TENM3: variants seen among roughly 807,000 people sequenced by gnomAD.
The protein encoded by TENM3 is teneurin transmembrane protein 3, also known as teneurin-3.
In TENM3, 63 loss-of-function variants were observed where a neutral mutation model predicts 255.1. The observed-to-expected ratio is 0.25, with a 90% CI of 0.20 to 0.30. The LOEUF is 0.30. Among genes scored for constraint, TENM3 ranks in the 10% least tolerant of loss-of-function variants. TENM3 has a pLI of 1.00. For missense variants in TENM3, 2,929 were observed against 3,461.1 expected, an observed-to-expected ratio of 0.85 and a Z score of 3.86; for synonymous variants, 1,306 against 1,322.3, an observed-to-expected ratio of 0.99 and a Z score of 0.27.
the TENM3 span, among the ~76,000 whole-genome samples, chr4:181,492,399 G>A: frequency 2.0e-5 from 3 of 152,166 alleles, no homozygotes; most frequent in African/African-American, 7.2e-5. Context: ...AATAAATGCA[G>A]ATAGTATTGA....
At chr4:181,981,078 C>G in the TENM3 span, among the ~76,000 whole-genome samples, 38 of 152,016 alleles carry the variant, frequency 2.5e-4, no homozygotes, top group Admixed American at 2.5e-3. Context: ...ACCTTTATTC[C>G]TCTCCTCCTC....
At chr4:181,569,313 A>G in the TENM3 span, among the ~76,000 whole-genome samples, 15 of 151,878 alleles carry the variant, frequency 9.9e-5, 1 homozygote, top group Non-Finnish European at 7.4e-5. Flanking sequence ...CAAGTGGACT[A>G]TTTGACCACG....
intron 3 of TENM3, among the ~76,000 whole-genome samples, chr4:182,487,719 T>C (rs2198923): frequency 0.39 from 58,830 of 151,970 alleles, 12,794 homozygotes; most frequent in Non-Finnish European, 0.48. Context: ...CCTCAAGGAG[T>C]TGATGCAGGT....
At chr4:182,629,459 T>C (rs1751142947) in intron 5 of TENM3, among the ~76,000 whole-genome samples, 1 of 152,216 alleles carries the variant, frequency 6.6e-6, no homozygotes, top group Admixed American at 6.5e-5. Flanking sequence ...ATGTTTTTCA[T>C]TTGATAGTAA....
intron 16 of TENM3, among the ~76,000 whole-genome samples, chr4:182,734,310 C>T (rs939440778): frequency 1.4e-4 from 21 of 152,112 alleles, no homozygotes; most frequent in Non-Finnish European, 2.2e-4. Context: ...CAGAAGATGA[C>T]CCCAGGGCCA....
At chr4:182,133,514 A>G in the TENM3 span, among the ~76,000 whole-genome samples, 1 of 152,212 alleles carries the variant, frequency 6.6e-6, no homozygotes, top group Non-Finnish European at 1.5e-5. Flanking sequence ...GTTCATCCCA[A>G]AATTTATATA....
the TENM3 span, among the ~76,000 whole-genome samples, chr4:181,637,733 A>C: frequency 6.6e-6 from 1 of 152,146 alleles, no homozygotes; most frequent in Non-Finnish European, 1.5e-5. Context: ...GCACTTACCA[A>C]TTGTAACATG....
chr4:182,507,089 A>G (rs2151692057), intron 3 of TENM3, among the ~76,000 whole-genome samples: 1 of 152,294 alleles, frequency 6.6e-6, no homozygotes, highest in Middle Eastern at 3.4e-3. Context: ...CACTGGAATC[A>G]ACATCTGAAA....
At chr4:182,557,224 A>C (rs1449885708) in intron 3 of TENM3, among the ~76,000 whole-genome samples, 1 of 152,216 alleles carries the variant, frequency 6.6e-6, no homozygotes, top group African/African-American at 2.4e-5. Flanking sequence ...TCATAGGGTC[A>C]GAGCAAACTG....
intron 1 of TENM3, among the ~76,000 whole-genome samples, chr4:182,177,384 T>G (rs1419554403): frequency 2.0e-5 from 3 of 152,104 alleles, no homozygotes; most frequent in Non-Finnish European, 2.9e-5. Flanking sequence ...CTGCTTAGCA[T>G]CAGTACACAG....
chr4:181,927,389 T>A, the TENM3 span, among the ~76,000 whole-genome samples: 4 of 152,136 alleles, frequency 2.6e-5, no homozygotes, highest in East Asian at 3.9e-4. Context: ...CCCCTCACAG[T>A]GTAAATAAAG....
chr4:182,070,381 G>T, the TENM3 span, among the ~76,000 whole-genome samples: 1 of 152,222 alleles, frequency 6.6e-6, no homozygotes, highest in Non-Finnish European at 1.5e-5. Flanking sequence ...CCCTTTGGGA[G>T]GCCAAGGTGG....
At chr4:182,325,964 C>A (rs1763371464) in intron 2 of TENM3, among the ~76,000 whole-genome samples, 1 of 152,154 alleles carries the variant, frequency 6.6e-6, no homozygotes, top group South Asian at 2.1e-4. Context: ...CCAGCGCAGA[C>A]TGTTGTTGAC....
At chr4:181,900,082 A>T in the TENM3 span, among the ~76,000 whole-genome samples, 2 of 152,088 alleles carry the variant, frequency 1.3e-5, no homozygotes, top group East Asian at 1.9e-4. Flanking sequence ...CTATGCTGAA[A>T]TTTTTCACAC....
chr4:182,529,291 G>C (rs1385032228), intron 3 of TENM3, among the ~76,000 whole-genome samples: 2 of 152,146 alleles, frequency 1.3e-5, no homozygotes, highest in East Asian at 1.9e-4. Flanking sequence ...TGTATCACTT[G>C]GTCTGAAAAG....
rs977096544 is a variant in TENM3 at position 182,161,171 on chromosome 4, C to T, written c.-76+16417C>T. 8.3e-5 allele frequency among the ~76,000 whole-genome samples: 10 copies of T among 119,918 alleles called. 2 individuals are homozygous for T. The highest frequency in any genetic ancestry group is 2.8e-4 in the African/African-American group (9 of 32,482). 78.7% of individuals were successfully genotyped at this position (119,918 alleles called of 152,430 possible). A position where few individuals can be genotyped will look rare whatever the true frequency, so the allele number is the denominator to read the frequency against. ...GTGGCTCACGCCTGTAATCCCAGCA[C>T]TTTGGGAGGCCGAGGCGGGCGGATC... On this transcript the variant is annotated intron_variant, in intron 1 of 2. Transcript: ENST00000512480.
the TENM3 span, among the ~76,000 whole-genome samples, chr4:182,103,189 C>T: frequency 6.6e-6 from 1 of 152,206 alleles, no homozygotes; most frequent in African/African-American, 2.4e-5. Flanking sequence ...GAAGTAGGCT[C>T]ACCAGCTAAA....
chr4:182,578,892 T>G (rs1745207679), intron 3 of TENM3, among the ~76,000 whole-genome samples: 1 of 152,232 alleles, frequency 6.6e-6, no homozygotes, highest in African/African-American at 2.4e-5. Flanking sequence ...TAACTGTGCT[T>G]CTCTTCAAGG....
At chr4:182,272,598 C>T (rs1359891176) in intron 1 of TENM3, among the ~76,000 whole-genome samples, 1 of 152,162 alleles carries the variant, frequency 6.6e-6, no homozygotes, top group African/African-American at 2.4e-5. Context: ...TGAATTACTA[C>T]AGGGAAGTCC....
Sources: allele counts gnomAD v4.1 joint callset (sites outside exome capture counted in the v4.1 genomes callset), GRCh38; gene constraint gnomAD v4.1.1; transcripts MANE v1.5; gene names NCBI Gene and HGNC (gene_info 2026-07-23, HGNC 2026-07-21).